VPS13B: variants seen among roughly 807,000 people sequenced by gnomAD.
VPS13B encodes the protein intermembrane lipid transfer protein VPS13B.
VPS13B carries 285 observed loss-of-function variants against 426.4 expected under a neutral mutation model. That is an observed-to-expected ratio of 0.67 (90% CI 0.61 to 0.74). VPS13B has a LOEUF of 0.74. Ranked by LOEUF, VPS13B falls within the 30% of genes least tolerant of loss-of-function variation. The pLI is 0.00. For synonymous variants in VPS13B, 1,676 were observed against 1,676.4 expected, an observed-to-expected ratio of 1.00 and a Z score of 0.01; for missense variants, 4,537 against 4,782.6, an observed-to-expected ratio of 0.95 and a Z score of 1.51.
intron 35 of VPS13B, among the ~76,000 whole-genome samples, chr8:99,677,777 G>C (rs78221875): frequency 6.6e-6 from 1 of 152,124 alleles, no homozygotes; most frequent in African/African-American, 2.4e-5. Context: ...AATTCTGTTA[G>C]AATTATTTCT....
At chr8:99,132,123 C>G (rs899425504) in intron 8 of VPS13B, among the ~76,000 whole-genome samples, 3 of 151,684 alleles carry the variant, frequency 2.0e-5, no homozygotes, top group Non-Finnish European at 4.4e-5. Flanking sequence ...TCTCAAACTC[C>G]TGGCCTCAAG....
At chr8:99,802,333 A>G (rs1813167193) in intron 43 of VPS13B, among the ~76,000 whole-genome samples, 1 of 152,194 alleles carries the variant, frequency 6.6e-6, no homozygotes, top group Admixed American at 6.5e-5. Flanking sequence ...CAAAGTGCCA[A>G]GAGGGCAAGT....
chr8:99,434,640 A>C (rs765695864), intron 22 of VPS13B, among the ~76,000 whole-genome samples: 5 of 152,198 alleles, frequency 3.3e-5, no homozygotes, highest in Non-Finnish European at 7.3e-5. Context: ...AATACTAGTT[A>C]ATATAGGAGC....
Position 99,255,859 on chromosome 8 carries a change from C to G in VPS13B, c.2516-18339C>G, listed in dbSNP as rs549447637. Among the ~76,000 whole-genome samples the G allele has an allele frequency of 5.3e-5, 8 of 152,270 alleles. No homozygotes were observed. The East Asian group carries it at 1.5e-3, about 29-fold the overall frequency. The stretch of plus-strand genomic sequence containing the variant: ...CAGCTGTAAGAGGGAGGGGCATAGT[C>G]TTACTTCTAGGTTGAGTTAAAAGTC... On this transcript the variant is annotated intron_variant, in intron 17 of 61. Transcript: ENST00000357162.
chr8:99,509,884 A>C (rs1022658883), intron 28 of VPS13B, among the ~76,000 whole-genome samples: 3 of 152,194 alleles, frequency 2.0e-5, no homozygotes, highest in Non-Finnish European at 4.4e-5. Flanking sequence ...TACGTTGAGG[A>C]ATACAAAAGT....
intron 23 of VPS13B, among the ~76,000 whole-genome samples, chr8:99,456,070 G>C (rs1818440385): frequency 6.6e-6 from 1 of 152,162 alleles, no homozygotes; most frequent in Admixed American, 6.5e-5. Flanking sequence ...TTACATTCTT[G>C]TGATCGATTT....
Position 99,817,546 on chromosome 8 carries a change from A to T in VPS13B, c.8104A>T (p.Ile2702Phe), listed in dbSNP as rs774565889. The T allele has an allele frequency of 2.0e-5, 32 of 1,613,914 alleles. No individual in the cohort carries two copies. The African/African-American group carries it at 4.1e-4, about 21-fold the overall frequency. Residue 2702 changes from isoleucine to phenylalanine, a missense_variant, in exon 45 of 62, where the codon ATC becomes TTC. Around this residue, in one of 2 missense-constraint regions of VPS13B, gnomAD observed 4,311 missense variants for 4,474.3 expected, o/e 0.96. Transcript: ENST00000357162. ...QLNGVQKQII[I>F]CGRQIICSYL... ...ATACTTAACTGTCTTTTAGATTATC[A>T]TCTGTGGAAGACAGATCATCTGTAG... is the stretch of plus-strand genomic sequence containing the variant.
chr8:99,662,928 C>T (rs568632280), intron 35 of VPS13B, among the ~76,000 whole-genome samples: 5 of 152,144 alleles, frequency 3.3e-5, no homozygotes, highest in East Asian at 1.9e-4. Flanking sequence ...CATGGTGGCA[C>T]GTACCTGTAG....
At chr8:99,646,202 T>C (rs982594515) in intron 34 of VPS13B, among the ~76,000 whole-genome samples, 1 of 152,176 alleles carries the variant, frequency 6.6e-6, no homozygotes, top group Admixed American at 6.5e-5. Context: ...ACAGTGTTCA[T>C]ATGTTTTCTC....
chr8:99,624,880 C>T (rs553946097), intron 33 of VPS13B, among the ~76,000 whole-genome samples: 1 of 151,276 alleles, frequency 6.6e-6, no homozygotes, highest in South Asian at 2.1e-4. Flanking sequence ...TGCAATGGCA[C>T]AATCTCAGCT....
intron 11 of VPS13B, among the ~76,000 whole-genome samples, 180 bp from the exon 12 acceptor site, chr8:99,136,485 C>G (rs1018207788): frequency 2.6e-5 from 4 of 152,000 alleles, no homozygotes; most frequent in African/African-American, 9.7e-5. Flanking sequence ...TTTGTGTGGT[C>G]TGTAATAGAT....
intron 20 of VPS13B, among the ~76,000 whole-genome samples, chr8:99,387,790 T>C (rs891792343): frequency 3.3e-5 from 5 of 152,054 alleles, no homozygotes; most frequent in African/African-American, 1.2e-4. Flanking sequence ...TTGGTGAAAA[T>C]GTAGAGAATG....
intron 39 of VPS13B, among the ~76,000 whole-genome samples, chr8:99,755,236 C>T (rs1353752125): frequency 2.0e-5 from 3 of 151,984 alleles, no homozygotes; most frequent in African/African-American, 7.3e-5. Flanking sequence ...TGAAGGTGTG[C>T]GCCAGAGCTC....
At chr8:99,594,437 C>T (rs1826886899) in intron 33 of VPS13B, among the ~76,000 whole-genome samples, 1 of 151,904 alleles carries the variant, frequency 6.6e-6, no homozygotes, top group East Asian at 1.9e-4. Flanking sequence ...ATAATAAGAA[C>T]TCAATAAAAG....
At chr8:99,572,867 G>A (rs1325738469) in intron 31 of VPS13B, among the ~76,000 whole-genome samples, 10 of 152,166 alleles carry the variant, frequency 6.6e-5, no homozygotes, top group Non-Finnish European at 1.2e-4. Context: ...AGATCCTTGA[G>A]GAATCGCCAC....
chr8:99,569,792 T>G (rs1227338419), intron 31 of VPS13B, among the ~76,000 whole-genome samples: 1 of 152,192 alleles, frequency 6.6e-6, no homozygotes, highest in African/African-American at 2.4e-5. Context: ...ACTTTTTTTT[T>G]GTTTACAATC....
At chr8:99,343,765 T>C (rs1026756631) in intron 19 of VPS13B, among the ~76,000 whole-genome samples, 3 of 152,186 alleles carry the variant, frequency 2.0e-5, no homozygotes, top group African/African-American at 7.2e-5. Context: ...TTTTCAATCA[T>C]TTAAAATTGT....
chr8:99,186,771 CT>C (rs1306583259), intron 16 of VPS13B, among the ~76,000 whole-genome samples: 1 of 152,060 alleles, frequency 6.6e-6, no homozygotes, highest in Non-Finnish European at 1.5e-5. Context: ...TGAATTCTAA[CT>C]TTTGTACAAA....
chr8:99,066,344 A>G (rs1587988831), intron 3 of VPS13B, among the ~76,000 whole-genome samples: 1 of 152,254 alleles, frequency 6.6e-6, no homozygotes, highest in East Asian at 1.9e-4. Flanking sequence ...CAGAAATAAC[A>G]CCACACATCT....
Sources: allele counts gnomAD v4.1 joint callset (sites outside exome capture counted in the v4.1 genomes callset), GRCh38; gene constraint gnomAD v4.1.1; regional missense constraint gnomAD v4.1.1; transcripts MANE v1.5; gene names NCBI Gene and HGNC (gene_info 2026-07-23, HGNC 2026-07-21).